DMD: variants seen among roughly 807,000 people sequenced by gnomAD.
The protein encoded by DMD is mutant dystrophin.
In DMD, 63 loss-of-function variants were observed where a neutral mutation model predicts 330.1. The observed-to-expected ratio is 0.19, with a 90% CI of 0.16 to 0.24. The LOEUF is 0.24. DMD is among the 10% of genes least tolerant of loss of function. The pLI, the probability that DMD is intolerant of heterozygous loss-of-function variation, is 1.00. For missense variants in DMD, 3,344 were observed against 2,684.1 expected, an observed-to-expected ratio of 1.25 and a Z score of -5.43; for synonymous variants, 1,223 against 959.8, an observed-to-expected ratio of 1.27 and a Z score of -5.07.
chrX:32,651,355 C>A (rs2060141025), intron 9 of DMD, among the ~76,000 whole-genome samples: 1 of 110,895 alleles, frequency 9.0e-6, no homozygotes, highest in African/African-American at 3.3e-5. Context: ...GTTGGCCAGG[C>A]TGGTCTCAAA....
intron 2 of DMD, among the ~76,000 whole-genome samples, chrX:32,868,761 G>A (rs1041420719): frequency 2.7e-5 from 3 of 112,529 alleles, no homozygotes; most frequent in African/African-American, 9.7e-5. Flanking sequence ...CCCTGGACCT[G>A]AGCCCCTAGG....
chrX:32,632,744 G>GGT (rs2058823784), intron 11 of DMD, among the ~76,000 whole-genome samples: 1 of 98,015 alleles, frequency 1.0e-5, no homozygotes, highest in African/African-American at 3.8e-5. Flanking sequence ...GGGGGGAGGG[G>GGT]TTGGGGCGGG....
At chrX:31,743,344 G>A (rs1209899342) in intron 51 of DMD, among the ~76,000 whole-genome samples, 2 of 112,171 alleles carry the variant, frequency 1.8e-5, no homozygotes, top group East Asian at 5.6e-4. Flanking sequence ...CCCATTACTG[G>A]GCATATAGCC....
At chrX:32,618,638 C>T (rs1211897816) in intron 11 of DMD, among the ~76,000 whole-genome samples, 1 of 111,047 alleles carries the variant, frequency 9.0e-6, no homozygotes, top group Non-Finnish European at 1.9e-5. Context: ...AACAAAACTG[C>T]ACATGTACCC....
intron 9 of DMD, among the ~76,000 whole-genome samples, chrX:32,654,518 T>G (rs1416120454): frequency 8.9e-6 from 1 of 111,887 alleles, no homozygotes; most frequent in Non-Finnish European, 1.9e-5. Flanking sequence ...TAATGGTGGA[T>G]AAGCTTTTTG....
At chrX:31,607,019 C>T (rs983635309) in intron 55 of DMD, among the ~76,000 whole-genome samples, 2 of 111,931 alleles carry the variant, frequency 1.8e-5, no homozygotes, top group Non-Finnish European at 3.8e-5. Context: ...AGTCCTACTG[C>T]TACTTTTATT....
chrX:31,295,953 ACT>A (rs2054149879), intron 62 of DMD, among the ~76,000 whole-genome samples: 2 of 104,593 alleles, frequency 1.9e-5, no homozygotes, highest in African/African-American at 3.5e-5. Context: ...AGAAGCATGG[ACT>A]CTATGAAAGA....
At chrX:31,802,594 G>C (rs1027017506) in intron 50 of DMD, among the ~76,000 whole-genome samples, 1 of 111,432 alleles carries the variant, frequency 9.0e-6, no homozygotes, top group Non-Finnish European at 1.9e-5. Context: ...GGGTGAGGTG[G>C]GAAGGTTTTA....
intron 1 of DMD, among the ~76,000 whole-genome samples, chrX:33,223,438 A>G (rs1054551883): frequency 2.9e-4 from 33 of 112,422 alleles, no homozygotes; most frequent in African/African-American, 1.0e-3. Flanking sequence ...GAAGAGATCA[A>G]TGGAACAGAA....
intron 30 of DMD, among the ~76,000 whole-genome samples, chrX:32,409,960 C>T (rs751537389): frequency 9.0e-6 from 1 of 111,521 alleles, no homozygotes; most frequent in East Asian, 2.8e-4. Context: ...GAAAATATTA[C>T]ATAAATGTTG....
chrX:31,444,050 G>A (rs1313509311), intron 60 of DMD, among the ~76,000 whole-genome samples: 1 of 110,515 alleles, frequency 9.0e-6, no homozygotes, highest in Admixed American at 9.7e-5. Flanking sequence ...CAGTTTTCAT[G>A]AGAACTGGCA....
At chrX:32,452,801 G>A (rs2098339699) in intron 26 of DMD, among the ~76,000 whole-genome samples, 1 of 110,949 alleles carries the variant, frequency 9.0e-6, no homozygotes, top group South Asian at 3.7e-4. Context: ...TAAAAACTGT[G>A]ATACTCTAAC....
intron 22 of DMD, among the ~76,000 whole-genome samples, chrX:32,469,962 T>C (rs2148469172): frequency 9.0e-6 from 1 of 111,429 alleles, no homozygotes; most frequent in Admixed American, 9.6e-5. Context: ...TATATTAATG[T>C]TGTATGTTAT....
At chrX:31,228,791 A>T (rs781762173) in intron 63 of DMD, among the ~76,000 whole-genome samples, 25 of 111,907 alleles carry the variant, frequency 2.2e-4, no homozygotes, top group Non-Finnish European at 4.7e-4. Context: ...CAGTTACGCC[A>T]TGTTTCCATG....
intron 55 of DMD, among the ~76,000 whole-genome samples, chrX:31,574,659 C>G (rs1014481424): frequency 9.0e-6 from 1 of 111,255 alleles, no homozygotes; most frequent in East Asian, 2.8e-4. Context: ...AATGACTTCT[C>G]TGGGAGTTTA....
At chrX:31,674,635 G>A (rs1028531526) in intron 53 of DMD, among the ~76,000 whole-genome samples, 11 of 111,876 alleles carry the variant, frequency 9.8e-5, no homozygotes, top group African/African-American at 2.9e-4. Context: ...TCACAAAGCC[G>A]ACAAAAAGGG....
intron 44 of DMD, chrX:32,206,496 G>C (rs1466039935): frequency 1.4e-5 from 8 of 569,314 alleles, no homozygotes; most frequent in Admixed American, 4.6e-5. Context: ...GAATGGAAAA[G>C]ACTCAAAACC....
At chrX:31,283,823 G>T (rs1369291748) in intron 62 of DMD, among the ~76,000 whole-genome samples, 1 of 111,894 alleles carries the variant, frequency 8.9e-6, no homozygotes, top group Non-Finnish European at 1.9e-5. Flanking sequence ...GGATGAACAA[G>T]CTCAAGACAT....
chrX:32,297,514 C>T (rs1205290980), intron 42 of DMD, among the ~76,000 whole-genome samples: 7 of 110,881 alleles, frequency 6.3e-5, no homozygotes, highest in Admixed American at 4.8e-4. Context: ...ACCCTGTGGT[C>T]ACCCGCCTTG....
Sources: allele counts gnomAD v4.1 joint callset (sites outside exome capture counted in the v4.1 genomes callset), GRCh38; gene constraint gnomAD v4.1.1; transcripts MANE v1.5; gene names NCBI Gene and HGNC (gene_info 2026-07-23, HGNC 2026-07-21).